PTPRG: variants seen among roughly 807,000 people sequenced by gnomAD.
The protein encoded by PTPRG is protein tyrosine phosphatase receptor type G, also known as receptor-type tyrosine-protein phosphatase gamma.
A neutral mutation model predicts 165.3 loss-of-function variants in PTPRG; 102 were observed. The ratio of observed to expected loss-of-function variants is 0.62; its 90% confidence interval spans 0.53 to 0.73. PTPRG has a LOEUF of 0.73. PTPRG is among the 30% of genes least tolerant of loss of function. The probability of loss-of-function intolerance (pLI) is 0.00; values close to 1 mark genes in which losing one functional copy is unlikely to be tolerated. For missense variants in PTPRG, 1,866 were observed against 1,861.4 expected, an observed-to-expected ratio of 1.00 and a Z score of -0.05; for synonymous variants, 675 against 669.5, an observed-to-expected ratio of 1.01 and a Z score of -0.13.
chr3:62,096,848 G>T (rs928041577), intron 5 of PTPRG, among the ~76,000 whole-genome samples: 3 of 152,204 alleles, frequency 2.0e-5, no homozygotes, highest in Non-Finnish European at 4.4e-5. Context: ...GTTCCTAGCT[G>T]CATTGGGCTT....
intron 5 of PTPRG, among the ~76,000 whole-genome samples, chr3:62,125,130 G>C (rs1172490407): frequency 6.6e-6 from 1 of 152,110 alleles, no homozygotes; most frequent in African/African-American, 2.4e-5. Flanking sequence ...AACTATAAAG[G>C]GGTATTTAAG....
At chr3:61,956,591 C>T (rs540146240) in intron 2 of PTPRG, among the ~76,000 whole-genome samples, 1 of 152,168 alleles carries the variant, frequency 6.6e-6, no homozygotes, top group Non-Finnish European at 1.5e-5. Context: ...TTAGATATGC[C>T]AGTCACCATA....
chr3:62,177,698 G>C (rs114131459), intron 8 of PTPRG, among the ~76,000 whole-genome samples: 1,722 of 152,152 alleles, frequency 0.011, 13 homozygotes, highest in Middle Eastern at 0.037. Context: ...CCAGCAGGCT[G>C]TTCCCTCTAC....
At chr3:61,965,528 G>A (rs1017615332) in intron 2 of PTPRG, among the ~76,000 whole-genome samples, 1 of 151,770 alleles carries the variant, frequency 6.6e-6, no homozygotes, top group African/African-American at 2.4e-5. Context: ...AACCCTTAGG[G>A]TGGACTTACT....
At chr3:61,669,970 G>A (rs1011895971) in intron 1 of PTPRG, among the ~76,000 whole-genome samples, 4 of 152,084 alleles carry the variant, frequency 2.6e-5, no homozygotes, top group Non-Finnish European at 5.9e-5. Context: ...TACTGGAGTC[G>A]GCAGAACTAG....
rs578218289 is a variant in PTPRG, at chr3:61,705,292, C to G, written c.86-43586C>G. Reference sequence around the variant, plus strand: ...GAAAAGGCACTTGGAAAGCAGGGAGCAGAATACCAGTATCTGATGGGTTTT... The same window carrying G: ...GAAAAGGCACTTGGAAAGCAGGGAGGAGAATACCAGTATCTGATGGGTTTT... On this transcript the variant is annotated intron_variant, in intron 1 of 29. Transcript: ENST00000474889. 3.3e-5 allele frequency among the ~76,000 whole-genome samples: 5 copies of G among 152,240 alleles called. No individual in the cohort carries two copies. The East Asian group carries it at 5.8e-4, about 18-fold the overall frequency.
intron 5 of PTPRG, among the ~76,000 whole-genome samples, chr3:62,122,800 C>CTG (rs1164480113): frequency 6.6e-6 from 1 of 152,126 alleles, no homozygotes; most frequent in African/African-American, 2.4e-5. Context: ...GACATAGCAG[C>CTG]TGAGGTCCAT....
At chr3:61,735,908 G>T (rs2032701695) in intron 1 of PTPRG, among the ~76,000 whole-genome samples, 1 of 99,350 alleles carries the variant, frequency 1.0e-5, no homozygotes, top group African/African-American at 3.9e-5. Flanking sequence ...TTAAAACAAT[G>T]ATTTTTTTTT....
intron 2 of PTPRG, among the ~76,000 whole-genome samples, chr3:61,865,326 G>T (rs1053954353): frequency 6.6e-6 from 1 of 152,174 alleles, no homozygotes; most frequent in South Asian, 2.1e-4. Flanking sequence ...CTACATGTGA[G>T]GCCTTGTTTG....
chr3:61,612,011 C>T (rs375083785), intron 1 of PTPRG, among the ~76,000 whole-genome samples: 5 of 152,156 alleles, frequency 3.3e-5, no homozygotes, highest in African/African-American at 7.2e-5. Context: ...GGCACTATCT[C>T]GGCTCACTGC....
intron 2 of PTPRG, among the ~76,000 whole-genome samples, chr3:61,827,808 TAC>T (rs1420980915): frequency 2.0e-5 from 3 of 152,210 alleles, no homozygotes; most frequent in Non-Finnish European, 4.4e-5. Flanking sequence ...CCTATCCTGA[TAC>T]AGTTACTTTA....
chr3:61,695,513 C>T (rs1375788523), intron 1 of PTPRG, among the ~76,000 whole-genome samples: 1 of 152,162 alleles, frequency 6.6e-6, no homozygotes, highest in East Asian at 1.9e-4. Flanking sequence ...GTTCCGTTGA[C>T]TAAAGGATTT....
At chr3:61,782,413 G>A (rs930448073) in intron 2 of PTPRG, among the ~76,000 whole-genome samples, 2 of 152,160 alleles carry the variant, frequency 1.3e-5, no homozygotes, top group African/African-American at 4.8e-5. Flanking sequence ...GTGTTAAATC[G>A]GTCAGTAAAT....
intron 2 of PTPRG, among the ~76,000 whole-genome samples, chr3:61,839,879 C>G (rs572671842): frequency 1.3e-5 from 2 of 152,300 alleles, no homozygotes; most frequent in South Asian, 2.1e-4. Context: ...AAAGCTCACA[C>G]CCTTCAATGC....
chr3:62,001,474 T>C (rs1003304424), intron 3 of PTPRG, among the ~76,000 whole-genome samples: 4 of 152,152 alleles, frequency 2.6e-5, no homozygotes, highest in South Asian at 2.1e-4. Context: ...ATGGAACTTA[T>C]AACTGGCTGA....
intron 12 of PTPRG, among the ~76,000 whole-genome samples, chr3:62,206,497 A>G (rs781480163): frequency 5.9e-5 from 9 of 152,134 alleles, no homozygotes; most frequent in East Asian, 1.9e-4. Context: ...AGACCCCCTC[A>G]CTGTCACTGA....
intron 4 of PTPRG, among the ~76,000 whole-genome samples, chr3:62,003,734 G>T (rs941702999): frequency 1.3e-5 from 2 of 152,140 alleles, no homozygotes; most frequent in African/African-American, 4.8e-5. Flanking sequence ...ACTCACTACT[G>T]GTTGATGATG....
intron 7 of PTPRG, among the ~76,000 whole-genome samples, chr3:62,164,700 A>G (rs1704901511): frequency 1.3e-5 from 2 of 152,380 alleles, no homozygotes; most frequent in South Asian, 4.1e-4. Context: ...AAGCTGCAAT[A>G]GCAATTTAAG....
intron 1 of PTPRG, among the ~76,000 whole-genome samples, chr3:61,703,572 C>T (rs2031091678): frequency 6.6e-6 from 1 of 152,124 alleles, no homozygotes; most frequent in Non-Finnish European, 1.5e-5. Context: ...TGCTAACTGG[C>T]TGTATGGCCT....
Sources: allele counts gnomAD v4.1 joint callset (sites outside exome capture counted in the v4.1 genomes callset), GRCh38; gene constraint gnomAD v4.1.1; transcripts MANE v1.5; gene names NCBI Gene and HGNC (gene_info 2026-07-23, HGNC 2026-07-21).